Variants in FGGY observed in about 807,000 individuals in gnomAD.
FGGY encodes FGGY carbohydrate kinase domain-containing protein.
Under a neutral mutation model 71.3 loss-of-function variants are expected in FGGY, and 72 were observed. The ratio of observed to expected loss-of-function variants is 1.01; its 90% CI spans 0.84 to 1.23. FGGY has a LOEUF of 1.23. Among genes scored for constraint, FGGY ranks in the 50% most tolerant of loss-of-function variants. The probability of loss-of-function intolerance (pLI) is 0.00; values close to 1 mark genes in which losing one functional copy is unlikely to be tolerated. For missense variants in FGGY, 668 were observed against 682.3 expected (o/e 0.98, Z 0.23); for synonymous variants, 251 against 250.3 (o/e 1.00, Z -0.02).
In FGGY at chr1:59,721,708, G is replaced by T. The variant is rs115627527; in HGVS notation, c.1513-36223G>T. Among the ~76,000 whole-genome samples, 344 of 152,208 alleles carry T rather than the reference G, an allele frequency of 2.3e-3. 3 individuals are homozygous for T. The highest frequency in any genetic ancestry group is 2.3e-3 in the Non-Finnish European group (159 of 68,020). ...TTAACATCTTACATTAGTATGGTGC[G>T]TTCGTTACAATTAATGAACCAGTAT... On this transcript the variant is annotated intron_variant, in intron 14 of 15. Transcript: ENST00000303721.
At chr1:59,388,393 TG>T (rs2060324722) in intron 5 of FGGY, among the ~76,000 whole-genome samples, 1 of 152,156 alleles carries the variant, frequency 6.6e-6, no homozygotes, top group Admixed American at 6.6e-5. Flanking sequence ...CTTACCGTCT[TG>T]GAGAAAATTG....
intron 6 of FGGY, among the ~76,000 whole-genome samples, chr1:59,472,480 C>G: frequency 6.6e-6 from 1 of 152,374 alleles, no homozygotes; most frequent in South Asian, 2.1e-4. Flanking sequence ...GCGCACGGCG[C>G]GGGACTGGCA....
intron 5 of FGGY, among the ~76,000 whole-genome samples, chr1:59,382,061 A>G (rs1322031039): frequency 6.6e-6 from 1 of 152,190 alleles, no homozygotes; most frequent in Non-Finnish European, 1.5e-5. Flanking sequence ...AAAAAGATTT[A>G]GAATCTGGGT....
chr1:59,319,673 C>T (rs1251438454), intron 1 of FGGY, among the ~76,000 whole-genome samples: 3 of 152,034 alleles, frequency 2.0e-5, no homozygotes, highest in Non-Finnish European at 2.9e-5. Flanking sequence ...CAGCTGGGGG[C>T]AATTGAGAGC....
intron 11 of FGGY, among the ~76,000 whole-genome samples, chr1:59,641,862 G>C (rs2097032133): frequency 6.6e-6 from 1 of 152,146 alleles, no homozygotes; most frequent in African/African-American, 2.4e-5. Flanking sequence ...GCCACCTTCT[G>C]CTCCCTTGCA....
chr1:59,617,299 TA>T (rs2096765555), intron 9 of FGGY, among the ~76,000 whole-genome samples: 1 of 152,052 alleles, frequency 6.6e-6, no homozygotes, highest in Non-Finnish European at 1.5e-5. Flanking sequence ...AAAAATATAT[TA>T]AAAACCATGG....
chr1:59,665,399 A>G (rs565022674), intron 12 of FGGY, among the ~76,000 whole-genome samples: 15 of 152,290 alleles, frequency 9.8e-5, no homozygotes, highest in African/African-American at 3.4e-4. Context: ...AGATTCATGA[A>G]TAGCTTCAAC....
intron 14 of FGGY, among the ~76,000 whole-genome samples, chr1:59,734,866 G>T (rs1161831290): frequency 4.6e-5 from 7 of 152,292 alleles, no homozygotes; most frequent in African/African-American, 1.7e-4. Context: ...GGGCCAAGGT[G>T]CCCAGGGGCT....
intron 14 of FGGY, among the ~76,000 whole-genome samples, chr1:59,704,877 C>A (rs566387110): frequency 6.6e-6 from 1 of 152,310 alleles, no homozygotes; most frequent in East Asian, 1.9e-4. Flanking sequence ...TCCAAAAAAG[C>A]TGTCCCAATT....
chr1:59,479,063 G>A lies in FGGY; in HGVS notation c.670+21987G>A, dbSNP rs560966141. Among the ~76,000 whole-genome samples the A allele has an allele frequency of 5.6e-4, 85 of 152,332 alleles. 1 individual carries two copies. The highest frequency in any genetic ancestry group is 1.9e-3 in the African/African-American group (80 of 41,568). The stretch of plus-strand genomic sequence containing the variant: ...ACAGATGCTGTGCCAAGTGCTTAAT[G>A]TGGACTGTTACATTACAACAACATG... On this transcript the variant is annotated intron_variant, in intron 6 of 15. Transcript: ENST00000303721.
intron 5 of FGGY, among the ~76,000 whole-genome samples, chr1:59,428,868 G>A (rs545693446): frequency 1.3e-5 from 2 of 152,294 alleles, no homozygotes; most frequent in East Asian, 1.9e-4. Context: ...TTTTGAATAC[G>A]AAAGGTGGCG....
intron 14 of FGGY, among the ~76,000 whole-genome samples, chr1:59,689,918 G>T (rs1392821614): frequency 6.6e-6 from 1 of 152,278 alleles, no homozygotes; most frequent in South Asian, 2.1e-4. Flanking sequence ...GCCTAGAGGA[G>T]CCTGTGTGTT....
chr1:59,716,644 C>T (rs1270701246), intron 14 of FGGY, among the ~76,000 whole-genome samples: 1 of 152,166 alleles, frequency 6.6e-6, no homozygotes, highest in Non-Finnish European at 1.5e-5. Flanking sequence ...ACTGAGACAA[C>T]AGCAGGCATT....
At chr1:59,756,898 A>ATTTTT (rs71281846) in intron 14 of FGGY, among the ~76,000 whole-genome samples, 3 of 145,466 alleles carry the variant, frequency 2.1e-5, no homozygotes, top group East Asian at 2.0e-4. Flanking sequence ...TGGTATTCAG[A>ATTTTT]TTTTTTTTTT....
At chr1:59,324,320 A>C (rs2046960642) in intron 2 of FGGY, among the ~76,000 whole-genome samples, 1 of 111,748 alleles carries the variant, frequency 8.9e-6, no homozygotes, top group Admixed American at 1.4e-4. Flanking sequence ...TCTGTCGCCC[A>C]GGCTGGAGTG....
chr1:59,690,485 A>G (rs1278958103), intron 14 of FGGY, among the ~76,000 whole-genome samples: 3 of 152,168 alleles, frequency 2.0e-5, no homozygotes, highest in Non-Finnish European at 2.9e-5. Flanking sequence ...CCATCTCTAT[A>G]AAGCTCCTTT....
intron 14 of FGGY, among the ~76,000 whole-genome samples, chr1:59,677,683 T>C (rs1168498434): frequency 6.6e-6 from 1 of 152,184 alleles, no homozygotes; most frequent in Non-Finnish European, 1.5e-5. Flanking sequence ...ATCTCAATTC[T>C]GGGAGAATTT....
In FGGY at chr1:59,575,256, C is replaced by CT. The variant is rs559758639; in HGVS notation, c.903+21030dup. On this transcript the variant is annotated intron_variant, in intron 8 of 15. Transcript: ENST00000303721. ...GCTTAGTACAATTTGGCCAACATCT[C>CT]TGCTTTACCCCTTGGCAACCCCACC... 8.2e-4 allele frequency among the ~76,000 whole-genome samples: 125 copies of CT among 152,294 alleles called. No individual in the cohort carries two copies. The East Asian group carries it at 0.019, about 23-fold the overall frequency.
At chr1:59,503,301 AG>A (rs2094284090) in intron 6 of FGGY, among the ~76,000 whole-genome samples, 1 of 152,126 alleles carries the variant, frequency 6.6e-6, no homozygotes, top group Non-Finnish European at 1.5e-5. Context: ...AGTGACTAAA[AG>A]CTCATAGGTT....
Sources: allele counts gnomAD v4.1 joint callset (sites outside exome capture counted in the v4.1 genomes callset), GRCh38; gene constraint gnomAD v4.1.1; transcripts MANE v1.5; gene names NCBI Gene and HGNC (gene_info 2026-07-23, HGNC 2026-07-21).